The following NTN1 variants were observed in gnomAD, a reference collection of about 807,000 sequenced individuals.
The protein encoded by NTN1 is netrin-1.
Under a neutral mutation model 54.2 loss-of-function variants are expected in NTN1, and 11 were observed. The ratio of observed to expected loss-of-function variants is 0.20; its 90% CI spans 0.13 to 0.34. The LOEUF (loss-of-function observed/expected upper bound fraction) is 0.34. Ranked by LOEUF, NTN1 falls within the 10% of genes least tolerant of loss-of-function variation. The probability of loss-of-function intolerance (pLI) is 1.00; values close to 1 mark genes in which losing one functional copy is unlikely to be tolerated. For synonymous variants in NTN1, 371 were observed against 382.0 expected, an observed-to-expected ratio of 0.97 and a Z score of 0.33; for missense variants, 740 against 893.1, an observed-to-expected ratio of 0.83 and a Z score of 2.18.
At chr17:9,072,600 C>T (rs1034149117) in intron 2 of NTN1, among the ~76,000 whole-genome samples, 1 of 152,136 alleles carries the variant, frequency 6.6e-6, no homozygotes, top group Non-Finnish European at 1.5e-5. Flanking sequence ...AGGGAGGCCC[C>T]CTGCATTCTG....
At chr17:9,138,629 TGTGCTGAC>T (rs2142277792) in intron 2 of NTN1, among the ~76,000 whole-genome samples, 1 of 152,256 alleles carries the variant, frequency 6.6e-6, no homozygotes, top group East Asian at 1.9e-4. Context: ...ACTTATTGGG[TGTGCTGAC>T]AGCCGCGTGC....
chr17:9,108,893 T>C (rs11078785), intron 2 of NTN1, among the ~76,000 whole-genome samples: 14,318 of 152,270 alleles, frequency 0.094, 797 homozygotes, highest in Non-Finnish European at 0.12. Context: ...CTTTCTTTTT[T>C]TGAGACAGAG....
At chr17:9,095,389 T>A (rs1178366201) in intron 2 of NTN1, among the ~76,000 whole-genome samples, 4 of 152,252 alleles carry the variant, frequency 2.6e-5, no homozygotes, top group Non-Finnish European at 5.9e-5. Context: ...TCTAGCACTT[T>A]CATAGCTTAA....
intron 3 of NTN1, among the ~76,000 whole-genome samples, chr17:9,169,996 T>C (rs894537149): frequency 3.3e-5 from 5 of 152,164 alleles, no homozygotes; most frequent in Non-Finnish European, 4.4e-5. Context: ...GTTAAGGGCA[T>C]TTTACTTGAG....
At chr17:9,158,802 G>A (rs1359882453) in intron 2 of NTN1, among the ~76,000 whole-genome samples, 1 of 152,210 alleles carries the variant, frequency 6.6e-6, no homozygotes, top group Admixed American at 6.5e-5. Flanking sequence ...CTTTGCACTT[G>A]GTTGAACTCA....
At chr17:9,034,881 C>T (rs892862019) in intron 2 of NTN1, among the ~76,000 whole-genome samples, 4 of 152,160 alleles carry the variant, frequency 2.6e-5, no homozygotes, top group African/African-American at 9.7e-5. Flanking sequence ...CTGACCTGTG[C>T]GTCCACCCAG....
At chr17:9,071,441 T>C (rs1317078627) in intron 2 of NTN1, among the ~76,000 whole-genome samples, 2 of 152,158 alleles carry the variant, frequency 1.3e-5, no homozygotes, top group Non-Finnish European at 2.9e-5. Context: ...TTCTACTCTG[T>C]GTGACCTTTA....
chr17:9,202,084 A>C (rs1032332910), intron 5 of NTN1, among the ~76,000 whole-genome samples: 9 of 134,246 alleles, frequency 6.7e-5, no homozygotes, highest in Non-Finnish European at 1.1e-4. Context: ...AAAAAAAAAA[A>C]AAAAAACTTA....
At chr17:9,231,516 T>G (rs1905810558) in intron 6 of NTN1, among the ~76,000 whole-genome samples, 1 of 152,188 alleles carries the variant, frequency 6.6e-6, no homozygotes, top group Non-Finnish European at 1.5e-5. Context: ...GTCCCGTGTG[T>G]AGAGAGTGCA....
At chr17:9,191,864 C>CT (rs1211784729) in intron 5 of NTN1, among the ~76,000 whole-genome samples, 83 of 36,854 alleles carry the variant, frequency 2.3e-3, no homozygotes, top group African/African-American at 9.5e-3. Flanking sequence ...CTTATCGCTA[C>CT]TAAAAAAAAA....
At chr17:9,023,535 CAG>C (rs2091860688) in intron 2 of NTN1, 144 bp downstream of exon 2, 1 of 1,035,602 alleles carries the variant, frequency 9.7e-7, no homozygotes, top group Admixed American at 4.2e-5. Context: ...CGGGAGGGCT[CAG>C]AGCAGGTCCA....
intron 5 of NTN1, among the ~76,000 whole-genome samples, chr17:9,196,888 C>T (rs1904647908): frequency 6.6e-6 from 1 of 152,148 alleles, no homozygotes; most frequent in Non-Finnish European, 1.5e-5. Flanking sequence ...CCGGCTCACA[C>T]CTGTTCACAC....
intron 5 of NTN1, among the ~76,000 whole-genome samples, chr17:9,213,058 G>A (rs1241863295): frequency 1.3e-5 from 2 of 152,228 alleles, no homozygotes; most frequent in Non-Finnish European, 2.9e-5. Context: ...CTGGGATTGG[G>A]CCTGCAGGCC....
chr17:9,073,369 A>G (rs2092039030), intron 2 of NTN1, among the ~76,000 whole-genome samples: 1 of 152,240 alleles, frequency 6.6e-6, no homozygotes, highest in Admixed American at 6.5e-5. Flanking sequence ...AGTCCCCACG[A>G]GAGTTCTCCA....
intron 5 of NTN1, among the ~76,000 whole-genome samples, chr17:9,186,652 G>T (rs1438980481): frequency 6.6e-6 from 1 of 152,234 alleles, no homozygotes; most frequent in Non-Finnish European, 1.5e-5. Flanking sequence ...ACTCCACAGA[G>T]CCCGGCAGCT....
intron 3 of NTN1, among the ~76,000 whole-genome samples, chr17:9,168,166 C>T (rs2092377942): frequency 6.6e-6 from 1 of 152,104 alleles, no homozygotes; most frequent in African/African-American, 2.4e-5. Context: ...ATAGATTGAT[C>T]ATCAATGAAT....
At chr17:9,143,375 C>T (rs1370861921) in intron 2 of NTN1, among the ~76,000 whole-genome samples, 10 of 152,138 alleles carry the variant, frequency 6.6e-5, no homozygotes, top group African/African-American at 2.2e-4. Flanking sequence ...TGGGAGCTCA[C>T]GGGGGTGCAT....
intron 2 of NTN1, among the ~76,000 whole-genome samples, chr17:9,144,834 G>T (rs911651016): frequency 6.6e-6 from 1 of 152,206 alleles, no homozygotes; most frequent in Admixed American, 6.5e-5. Context: ...GTTTGCATTT[G>T]TCAAGTTAAT....
intron 3 of NTN1, among the ~76,000 whole-genome samples, chr17:9,169,962 G>A (rs925903287): frequency 3.3e-5 from 5 of 152,214 alleles, no homozygotes; most frequent in Admixed American, 2.6e-4. Context: ...CCAAGTTAAC[G>A]GAAGTTCTGG....
Sources: allele counts gnomAD v4.1 joint callset (sites outside exome capture counted in the v4.1 genomes callset), GRCh38; gene constraint gnomAD v4.1.1; transcripts MANE v1.5; gene names NCBI Gene and HGNC (gene_info 2026-07-23, HGNC 2026-07-21).